The following TMEM232 variants were observed in gnomAD, a reference collection of about 807,000 sequenced individuals.
TMEM232 encodes transmembrane protein 232.
In TMEM232, 80 loss-of-function variants were observed where a neutral mutation model predicts 78.8. The observed-to-expected ratio is 1.01, with a 90% confidence interval of 0.85 to 1.22. The LOEUF is 1.22. Ranked by LOEUF, TMEM232 falls within the 50% of genes most tolerant of loss-of-function variation. TMEM232 has a pLI of 0.00. For missense variants in TMEM232, 881 were observed against 742.2 expected, an observed-to-expected ratio of 1.19 and a Z score of -2.17; for synonymous variants, 297 against 254.3, an observed-to-expected ratio of 1.17 and a Z score of -1.60.
chr5:110,660,909 T>C (rs938570141), intron 2 of TMEM232, among the ~76,000 whole-genome samples: 1 of 152,184 alleles, frequency 6.6e-6, no homozygotes, highest in African/African-American at 2.4e-5. Context: ...AGTCACCCTA[T>C]TATGCTCTTA....
chr5:110,586,864 C>T (rs571771811), intron 10 of TMEM232, among the ~76,000 whole-genome samples: 184 of 151,984 alleles, frequency 1.2e-3, no homozygotes, highest in African/African-American at 4.2e-3. Flanking sequence ...AGTTAAATGC[C>T]CAGATGCTCT....
intron 10 of TMEM232, among the ~76,000 whole-genome samples, chr5:110,594,200 T>C (rs1779876401): frequency 6.6e-6 from 1 of 151,714 alleles, no homozygotes; most frequent in Non-Finnish European, 1.5e-5. Context: ...GGAAGAGCAA[T>C]GGGCTGGGGA....
chr5:110,545,350 T>C (rs113909210), intron 11 of TMEM232, among the ~76,000 whole-genome samples: 14,741 of 152,084 alleles, frequency 0.097, 951 homozygotes, highest in Middle Eastern at 0.19. Context: ...TATATATGTA[T>C]ATAACAGATA....
intron 2 of TMEM232, among the ~76,000 whole-genome samples, chr5:110,398,884 C>A (rs976446076): frequency 6.6e-6 from 1 of 151,866 alleles, no homozygotes; most frequent in Admixed American, 6.6e-5. Context: ...AGATAGGGGG[C>A]AAGATGGTTC....
intron 3 of TMEM232, among the ~76,000 whole-genome samples, chr5:110,395,802 T>G (rs1755363091): frequency 2.0e-5 from 3 of 152,174 alleles, no homozygotes; most frequent in African/African-American, 4.8e-5. Context: ...ATGGGAGTTG[T>G]CTGTGCAACT....
chr5:110,468,260 AAAAT>A (rs946868342), intron 12 of TMEM232, among the ~76,000 whole-genome samples: 96 of 152,234 alleles, frequency 6.3e-4, no homozygotes, highest in African/African-American at 1.7e-3. Context: ...CTTCCCAGTG[AAAAT>A]AAATAAATAT....
At chr5:110,396,369 T>C (rs1221632122) in intron 3 of TMEM232, among the ~76,000 whole-genome samples, 2 of 152,290 alleles carry the variant, frequency 1.3e-5, no homozygotes, top group African/African-American at 2.4e-5. Context: ...GGTTTACCTA[T>C]ATAGATATTC....
intron 1 of TMEM232, among the ~76,000 whole-genome samples, chr5:110,696,134 C>G (rs944757281): frequency 1.3e-5 from 2 of 152,152 alleles, no homozygotes; most frequent in African/African-American, 2.4e-5. Context: ...CCCTGGGATG[C>G]AAGGCTGGTT....
Position 110,469,605 on chromosome 5 carries a change from T to C in TMEM232, c.1704-44689A>G, listed in dbSNP as rs960009569. Among the ~76,000 whole-genome samples the C allele has an allele frequency of 2.0e-5, 3 of 152,212 alleles. No homozygotes were observed. In the South Asian group the frequency reaches 6.2e-4, roughly 31 times the overall value. ...GGAAATGGTGCCTTGGTGGAGCTGA[T>C]TGATATATCCCTCCTAGTTGCTGCT... On this transcript the variant is annotated intron_variant, in intron 12 of 13. Coordinates refer to ENST00000455884, the MANE Select transcript of TMEM232 (RefSeq NM_001039763.4).
chr5:110,646,596 T>C (rs1295908381), intron 2 of TMEM232, among the ~76,000 whole-genome samples: 3 of 151,776 alleles, frequency 2.0e-5, no homozygotes, highest in East Asian at 1.9e-4. Context: ...ACTGTAAAAC[T>C]ACTAAAAGAA....
At chr5:110,466,377 A>ATATT (rs1479301623) in intron 12 of TMEM232, among the ~76,000 whole-genome samples, 6 of 152,156 alleles carry the variant, frequency 3.9e-5, no homozygotes, top group African/African-American at 1.4e-4. Context: ...AAAAGTTTGC[A>ATATT]TATTTGGCAA....
chr5:110,582,023 G>A (rs932069994), intron 10 of TMEM232, among the ~76,000 whole-genome samples: 3 of 151,886 alleles, frequency 2.0e-5, no homozygotes, highest in Admixed American at 6.6e-5. Context: ...TCCGGCAAAA[G>A]TTGCAGAGAA....
At chr5:110,632,857 C>G (rs1490615433) in intron 5 of TMEM232, among the ~76,000 whole-genome samples, 1 of 152,128 alleles carries the variant, frequency 6.6e-6, no homozygotes, top group East Asian at 1.9e-4. Context: ...AACTTGAAAT[C>G]TTCACAAGTC....
chr5:110,449,726 T>C (rs1419521587), intron 12 of TMEM232, among the ~76,000 whole-genome samples: 1 of 152,146 alleles, frequency 6.6e-6, no homozygotes, highest in Admixed American at 6.6e-5. Flanking sequence ...GCACCTACTG[T>C]ATACTCGGTT....
chr5:110,406,308 ATG>A (rs1561459022), intron 2 of TMEM232, among the ~76,000 whole-genome samples: 5 of 150,756 alleles, frequency 3.3e-5, no homozygotes, highest in East Asian at 3.9e-4. Context: ...ACACACACAT[ATG>A]TGTCTATATA....
chr5:110,662,529 C>T (rs1472960383), intron 2 of TMEM232, among the ~76,000 whole-genome samples: 1 of 151,922 alleles, frequency 6.6e-6, no homozygotes, highest in Non-Finnish European at 1.5e-5. Flanking sequence ...AATTAATATG[C>T]AAGATACCAC....
Position 110,499,641 on chromosome 5 carries a change from A to C in TMEM232, c.1703+28947T>G, listed in dbSNP as rs1184194142. ...TATATGTATACACCCCCCCCCACACACACACATATATATATATATAAAGAT... is the reference window on the plus strand; with the variant it reads ...TATATGTATACACCCCCCCCCACACCCACACATATATATATATATAAAGAT... On this transcript the variant is annotated intron_variant, in intron 12 of 13. Coordinates refer to ENST00000455884, the MANE Select transcript of TMEM232 (RefSeq NM_001039763.4). Among the ~76,000 whole-genome samples the C allele has an allele frequency of 1.8e-3, 253 of 138,842 alleles. 3 individuals carry two copies. Among genetic ancestry groups the C allele is most frequent in the African/African-American group, 6.2e-3 (207 of 33,512 alleles). The allele number at this position is 138,842 out of a possible 152,430, so 91.1% of individuals were successfully genotyped here.
intron 7 of TMEM232, among the ~76,000 whole-genome samples, chr5:110,621,815 G>C (rs138635319): frequency 0.02 from 3,075 of 151,812 alleles, 36 homozygotes; most frequent in Admixed American, 0.024. Context: ...GTCCAGCTTT[G>C]GGCTATCATT....
At chr5:110,650,682 G>C (rs987567258) in intron 2 of TMEM232, among the ~76,000 whole-genome samples, 1 of 152,086 alleles carries the variant, frequency 6.6e-6, no homozygotes, top group Non-Finnish European at 1.5e-5. Context: ...TAAAAACAAA[G>C]TCTGAGAAAC....
Sources: allele counts gnomAD v4.1 joint callset (sites outside exome capture counted in the v4.1 genomes callset), GRCh38; gene constraint gnomAD v4.1.1; transcripts MANE v1.5; gene names NCBI Gene and HGNC (gene_info 2026-07-23, HGNC 2026-07-21).